Variants in MYCBP2 observed in about 807,000 individuals in gnomAD.
MYCBP2 encodes E3 ubiquitin-protein ligase MYCBP2.
A neutral mutation model predicts 525.3 loss-of-function variants in MYCBP2; 120 were observed. The observed-to-expected ratio is 0.23, with a 90% CI of 0.20 to 0.27. The LOEUF is 0.27. MYCBP2 is among the 10% of genes least tolerant of loss of function. MYCBP2 has a pLI of 1.00. For missense variants in MYCBP2, 4,149 were observed against 5,657.1 expected (o/e 0.73, Z 8.55); for synonymous variants, 1,894 against 1,955.8 (o/e 0.97, Z 0.83).
chr13:77,094,521 C>T lies in MYCBP2; in HGVS notation c.10199+837G>A, dbSNP rs145749793. 6.3e-3 allele frequency among the ~76,000 whole-genome samples: 959 copies of T among 152,258 alleles called. 12 individuals carry two copies. The highest frequency in any genetic ancestry group is 0.022 in the African/African-American group (924 of 41,568). On this transcript the variant is annotated intron_variant, in intron 58 of 82. Coordinates refer to ENST00000544440, the MANE Select transcript of MYCBP2 (RefSeq NM_015057.5). The stretch of plus-strand genomic sequence containing the variant: ...GGATAAAATGCAATCTTAACCTGGG[C>T]TACAGAGCCCGACATTACTTGGGTG...
intron 55 of MYCBP2, among the ~76,000 whole-genome samples, chr13:77,117,391 C>T (rs1347832717): frequency 6.6e-6 from 1 of 152,020 alleles, no homozygotes; most frequent in Non-Finnish European, 1.5e-5. Context: ...CTTGTGTACC[C>T]TTTACCTAAG....
At chr13:77,139,169 T>G (rs1379950212) in intron 52 of MYCBP2, 27 bp downstream of exon 52, 1 of 1,608,014 alleles carries the variant, frequency 6.2e-7, no homozygotes, top group African/African-American at 1.3e-5. Flanking sequence ...GTATCTATAA[T>G]GCTTTTTAAA....
chr13:77,058,452 C>G lies in MYCBP2; in HGVS notation c.13141-46G>C, dbSNP rs369112343. 1.4e-5 allele frequency: 21 copies of G among 1,454,562 alleles called. No homozygotes were observed. The African/African-American group carries it at 2.7e-4, about 19-fold the overall frequency. The allele number at this position is 1,454,562 out of a possible 1,614,324, so 90.1% of individuals were successfully genotyped here. On this transcript the variant is annotated intron_variant, in intron 77 of 82. Transcript: ENST00000544440. This position sits in a 1 kb window ranked among gnomAD's most constrained non-coding sequence, Gnocchi z 4.1. ...TGTTACACAAGTATGTAAAAAAGCA[C>G]ACATTCTGGTAATTTTCCTTATTAT...
chr13:77,121,643 G>T, intron 54 of MYCBP2, 148 bp from the exon 55 acceptor site: 1 of 712,388 alleles, frequency 1.4e-6, no homozygotes, highest in Non-Finnish European at 2.0e-6. Flanking sequence ...ATACCAGTCA[G>T]GTCATCTTAA....
At chr13:77,234,490 T>C (rs557989530) in intron 17 of MYCBP2, among the ~76,000 whole-genome samples, 12 of 152,106 alleles carry the variant, frequency 7.9e-5, no homozygotes, top group African/African-American at 2.9e-4. Context: ...GGAACCATAT[T>C]TCAATTATGT....
At chr13:77,155,402 G>C (rs1180793446) in intron 46 of MYCBP2, among the ~76,000 whole-genome samples, 1 of 152,048 alleles carries the variant, frequency 6.6e-6, no homozygotes, top group Non-Finnish European at 1.5e-5. Flanking sequence ...GGAGGAAAGG[G>C]CTGGGGACTG....
At chr13:77,105,693 A>G (rs1313315463) in intron 55 of MYCBP2, among the ~76,000 whole-genome samples, 1 of 152,152 alleles carries the variant, frequency 6.6e-6, no homozygotes, top group African/African-American at 2.4e-5. Context: ...GTTAATACAG[A>G]TAAGACAACC....
At chr13:77,168,735 T>A in intron 39 of MYCBP2, 89 bp from the exon 40 acceptor site, 1 of 1,179,528 alleles carries the variant, frequency 8.5e-7, no homozygotes, top group Non-Finnish European at 1.2e-6. Context: ...GTTACTCTAA[T>A]AACAATTTCC....
chr13:77,058,272 A>G lies in MYCBP2; in HGVS notation c.13275T>C (p.Asp4425=), dbSNP rs908316031. ...CGGTGAAACATATCATGCACATGTC[A>G]TCGGCGTCTTGCTTCAGGCTTGTGG... is the stretch of plus-strand genomic sequence containing the variant. ...KSATSLKQDA[D]DMCMICFTEA... is the part of the protein sequence containing the mutation. The change falls in exon 78 of 83, where the codon GAT becomes GAC. Residue 4425 remains aspartate (D), a synonymous_variant. Transcript: ENST00000544440. The surrounding 1 kb of genome is among the most constrained non-coding windows in gnomAD (Gnocchi z 4.1). The G allele has an allele frequency of 5.0e-6, 8 of 1,614,106 alleles. No individual in the cohort carries two copies. The highest frequency in any genetic ancestry group is 6.8e-6 in the Non-Finnish European group (8 of 1,180,060).
Position 77,326,697 on chromosome 13 carries a change from T to A in MYCBP2, c.79A>T (p.Thr27Ser), listed in dbSNP as rs973104530. Reference protein sequence around the residue: ...LGGDGFYPAATFSSSPAPGAL... With the variant: ...LGGDGFYPAASFSSSPAPGAL... ...CCCGGCGCCGGGGAGGAAGAGAAGG[T>A]GGCGGCTGGGTAGAATCCGTCCCCG... Residue 27 changes from threonine (T) to serine (S), a missense_variant, in exon 1 of 83, where the codon ACC becomes TCC. Thr to Ser is a moderately conservative substitution (Grantham distance 58). Coordinates refer to ENST00000544440, the MANE Select transcript of MYCBP2 (RefSeq NM_015057.5). This position sits in a 1 kb window ranked among gnomAD's most constrained non-coding sequence, Gnocchi z 4.2. 2.8e-6 allele frequency: 4 copies of A among 1,439,470 alleles called. No homozygotes were observed. In the African/African-American group the frequency reaches 6.0e-5, roughly 22 times the overall value. 89.2% of individuals were successfully genotyped at this position (1,439,470 alleles called of 1,614,324 possible).
At chr13:77,174,555 A>C (rs2154235508) in intron 36 of MYCBP2, 66 bp from the exon 37 acceptor site, 1 of 1,306,004 alleles carries the variant, frequency 7.7e-7, no homozygotes. Context: ...AAAGAACTCT[A>C]GCAGTAAAAT....
chr13:77,178,116 T>C (rs2059881843), intron 34 of MYCBP2, among the ~76,000 whole-genome samples, 162 bp from the exon 35 acceptor site: 2 of 152,226 alleles, frequency 1.3e-5, no homozygotes, highest in Non-Finnish European at 2.9e-5. Flanking sequence ...TAAAACCAGA[T>C]TTTATCATTC....
In MYCBP2 at chr13:77,191,708, A is replaced by G; in HGVS notation, c.4041T>C (p.His1347=). 2 of 1,614,078 alleles carry G rather than the reference A, an allele frequency of 1.2e-6. No individual in the cohort carries two copies. The highest frequency in any genetic ancestry group is 1.7e-6 in the Non-Finnish European group (2 of 1,179,984). The change falls in exon 28 of 83, where the codon CAT becomes CAC. Residue 1347 remains histidine, a synonymous_variant. Transcript: ENST00000544440. ...VSGPSSDCGS[H]GQASITTDDG... ...CATCTGTGGTAATAGATGCCTGTCC[A>G]TGAGATCCACAGTCACTGCTGGGTC...
Position 77,296,593 on chromosome 13 carries a change from C to T in MYCBP2, c.378+6G>A. On this transcript the variant is annotated splice_donor_region_variant and intron_variant, in intron 2 of 82. Transcript: ENST00000544440. Reference sequence around the variant, plus strand: ...CCTATTCCTTATCAATTACCAGCAGCTTTACCTTGCTTCTTGTCTTCACTT... The same window carrying T: ...CCTATTCCTTATCAATTACCAGCAGTTTTACCTTGCTTCTTGTCTTCACTT... 6.3e-7 allele frequency: 1 copy of T among 1,579,178 alleles called. No individual in the cohort carries two copies.
rs149791917 is a variant in MYCBP2 at position 77,269,163 on chromosome 13, A to G, written c.1260+829T>C. Among the ~76,000 whole-genome samples the G allele has an allele frequency of 2.0e-4, 31 of 152,330 alleles. 1 individual carries two copies. In the East Asian group the frequency reaches 6.0e-3, roughly 29 times the overall value. ...AGATAAGATCACAGCATTAAGACACAAAAACCCAGGGCTTTTCTTTCTCTC... is the reference window on the plus strand; with the variant it reads ...AGATAAGATCACAGCATTAAGACACGAAAACCCAGGGCTTTTCTTTCTCTC... On this transcript the variant is annotated intron_variant, in intron 7 of 82. Coordinates refer to ENST00000544440, the MANE Select transcript of MYCBP2 (RefSeq NM_015057.5).
intron 73 of MYCBP2, among the ~76,000 whole-genome samples, chr13:77,063,874 T>C (rs2039768401): frequency 6.6e-6 from 1 of 152,182 alleles, no homozygotes; most frequent in South Asian, 2.1e-4. Flanking sequence ...ATTTCAGGTG[T>C]CACAGTCAAT....
At chr13:77,113,561 TG>T (rs1003651551) in intron 55 of MYCBP2, among the ~76,000 whole-genome samples, 1 of 151,170 alleles carries the variant, frequency 6.6e-6, no homozygotes, top group Non-Finnish European at 1.5e-5. Context: ...AACAAAGAGG[TG>T]GGGGAAGAGG....
chr13:77,301,373 A>T (rs2078778730), intron 1 of MYCBP2, among the ~76,000 whole-genome samples: 1 of 148,698 alleles, frequency 6.7e-6, no homozygotes, highest in Admixed American at 6.7e-5. Flanking sequence ...CCAAGAGCCA[A>T]GATCGCGCCA....
chr13:77,293,223 GAATT>G (rs1249375713), intron 2 of MYCBP2, among the ~76,000 whole-genome samples: 1 of 152,140 alleles, frequency 6.6e-6, no homozygotes, highest in Non-Finnish European at 1.5e-5. Context: ...CTGGAAGGTA[GAATT>G]TATCAGAGGT....
Sources: allele counts gnomAD v4.1 joint callset (sites outside exome capture counted in the v4.1 genomes callset), GRCh38; gene constraint gnomAD v4.1.1; non-coding constraint Gnocchi (gnomAD v3.1); transcripts MANE v1.5; gene names NCBI Gene and HGNC (gene_info 2026-07-23, HGNC 2026-07-21).